The following FANCA variants were observed in gnomAD, a reference collection of about 807,000 sequenced individuals.
FANCA encodes the protein Fanconi anemia group A protein.
In FANCA, 236 loss-of-function variants were observed where a neutral mutation model predicts 194.3. That is an observed-to-expected ratio of 1.21 (90% confidence interval 1.09 to 1.35). FANCA has a LOEUF of 1.35. Among genes scored for constraint, FANCA ranks in the 40% most tolerant of loss-of-function variants. FANCA has a pLI of 0.00. For missense variants in FANCA, 2,628 were observed against 1,813.9 expected, an observed-to-expected ratio of 1.45 and a Z score of -8.15; for synonymous variants, 1,014 against 715.8, an observed-to-expected ratio of 1.42 and a Z score of -6.65.
intron 1 of FANCA, 123 bp downstream of exon 1, chr16:89,816,414 C>A: frequency 1.2e-6 from 1 of 862,528 alleles, no homozygotes; most frequent in Non-Finnish European, 1.6e-6. Flanking sequence ...CCCCGCACAG[C>A]CCCCCGGGCG....
At chr16:89,776,517 G>C (rs2039512084) in intron 20 of FANCA, among the ~76,000 whole-genome samples, 1 of 151,394 alleles carries the variant, frequency 6.6e-6, no homozygotes, top group East Asian at 2.0e-4. Flanking sequence ...AAAACGTTTA[G>C]TTCGTGTCAT....
chr16:89,792,701 C>A (rs1161758292), intron 11 of FANCA, 154 bp from the exon 12 acceptor site: 2 of 665,352 alleles, frequency 3.0e-6, no homozygotes, highest in Non-Finnish European at 5.4e-6. Context: ...AGATAAAAGA[C>A]AAGACAGCTG....
chr16:89,778,656 A>T, intron 20 of FANCA, 145 bp downstream of exon 20: 2 of 647,240 alleles, frequency 3.1e-6, no homozygotes, highest in Non-Finnish European at 2.6e-6. Flanking sequence ...AAAAAAAAAA[A>T]AGTAACCAAC....
At position 89,745,343 on chromosome 16, in the gene FANCA, C is replaced by G. The variant is rs62054601; in HGVS notation, c.3514-272G>C. Among the ~76,000 whole-genome samples the G allele has an allele frequency of 0.05, 7,404 of 148,974 alleles. 410 individuals carry two copies. Among genetic ancestry groups the G allele is most frequent in the East Asian group, 0.18 (805 of 4,540 alleles). ...AGTGAAGGGACCACACTCCCCTGAG[C>G]TGGGAACGAAACAGTGAAGGGACCA... is the stretch of plus-strand genomic sequence containing the variant. On this transcript the variant is annotated intron_variant, in intron 35 of 42. Coordinates refer to ENST00000389301, the MANE Select transcript of FANCA (RefSeq NM_000135.4).
chr16:89,753,990 G>A (rs983667076), intron 30 of FANCA, among the ~76,000 whole-genome samples: 1 of 152,214 alleles, frequency 6.6e-6, no homozygotes, highest in African/African-American at 2.4e-5. Flanking sequence ...GAAGGCGGAG[G>A]TTGCAGACAG....
At chr16:89,777,693 A>C (rs17226393) in intron 20 of FANCA, among the ~76,000 whole-genome samples, 210 of 152,248 alleles carry the variant, frequency 1.4e-3, no homozygotes, top group African/African-American at 4.9e-3. Context: ...ATACCAACCA[A>C]CTTTCTTACT....
chr16:89,738,406 C>A lies in FANCA; in HGVS notation c.*195G>T. On this transcript the variant is annotated 3_prime_UTR_variant, in exon 43 of 43. Coordinates refer to ENST00000389301, the MANE Select transcript of FANCA (RefSeq NM_000135.4). ...CCGGCTCAAGTAGCCTTCCTCTGCT[C>A]TGGGACCAGTGGTTTATTTTCCCGC... 1.5e-6 allele frequency: 2 copies of A among 1,378,098 alleles called. No individual in the cohort carries two copies. 85.4% of individuals were successfully genotyped at this position (1,378,098 alleles called of 1,614,324 possible). A position where few individuals can be genotyped will look rare whatever the true frequency, so the allele number is the denominator to read the frequency against.
At position 89,775,795 on chromosome 16, in the gene FANCA, G is replaced by C. The variant is rs533599861; in HGVS notation, c.1847C>G (p.Ser616Cys). 4.3e-6 allele frequency: 7 copies of C among 1,612,480 alleles called. No individual in the cohort carries two copies. The highest frequency in any genetic ancestry group is 3.3e-5 in the Admixed American group (2 of 59,868). ...GGCCTGGCAGTAGGTGGAGTACAGA[G>C]ATGGGGGGATTTTATCTGCTCTGGA... ...SLKRADKIPP[S>C]LYSTYCQACS... Residue 616 changes from serine to cysteine, a missense_variant, in exon 21 of 43, where the codon TCT (serine) becomes TGT (cysteine). Ser to Cys is a moderately radical substitution (Grantham distance 112). Transcript: ENST00000389301.
At chr16:89,791,344 C>T (rs1176217534) in intron 14 of FANCA, 59 bp downstream of exon 14, 1 of 1,596,240 alleles carries the variant, frequency 6.3e-7, no homozygotes, top group Non-Finnish European at 8.5e-7. Context: ...AGCATGGTCC[C>T]CACTCCCAGG....
At position 89,781,363 on chromosome 16, in the gene FANCA, C is replaced by CAAAA. The variant is rs775937692; in HGVS notation, c.1627-1410_1627-1407dup. On this transcript the variant is annotated intron_variant, in intron 17 of 42. Coordinates refer to ENST00000389301, the MANE Select transcript of FANCA (RefSeq NM_000135.4). ...TGGGCAATAGAACGAGACTCCATTCCAAAAAAAAAAAAAAAAAAAAAAACA... is the reference window on the plus strand; with the variant it reads ...TGGGCAATAGAACGAGACTCCATTCCAAAAAAAAAAAAAAAAAAAAAAAAAAACA... Among the ~76,000 whole-genome samples, 443 of 60,312 alleles carry CAAAA rather than the reference C, an allele frequency of 7.3e-3. 5 individuals are homozygous for CAAAA. The highest frequency in any genetic ancestry group is 0.023 in the African/African-American group (334 of 14,516). 39.6% of individuals were successfully genotyped at this position (60,312 alleles called of 152,430 possible). A position where few individuals can be genotyped will look rare whatever the true frequency, so the allele number is the denominator to read the frequency against.
chr16:89,806,958 G>A (rs928775974), intron 6 of FANCA, among the ~76,000 whole-genome samples: 6 of 152,212 alleles, frequency 3.9e-5, no homozygotes, highest in African/African-American at 1.4e-4. Context: ...TCCTGGACAG[G>A]GCGGCTGGCC....
intron 8 of FANCA, 22 bp downstream of exon 8, chr16:89,803,237 T>C (rs1398874168): frequency 4.3e-6 from 7 of 1,611,122 alleles, no homozygotes; most frequent in African/African-American, 1.3e-5. Context: ...CGCTAAACTC[T>C]TCACTTGACT....
At chr16:89,801,216 C>T (rs1270858662) in intron 8 of FANCA, among the ~76,000 whole-genome samples, 3 of 147,120 alleles carry the variant, frequency 2.0e-5, no homozygotes, top group African/African-American at 5.1e-5. Flanking sequence ...TGGTGGTGGG[C>T]GCCTGTAGTC....
chr16:89,758,015 T>A (rs2038821854), intron 30 of FANCA, among the ~76,000 whole-genome samples: 1 of 151,824 alleles, frequency 6.6e-6, no homozygotes, highest in African/African-American at 2.4e-5. Context: ...GCCACCACAC[T>A]CAGCTAATTT....
At chr16:89,776,566 G>T (rs1455696869) in intron 20 of FANCA, among the ~76,000 whole-genome samples, 3 of 151,876 alleles carry the variant, frequency 2.0e-5, no homozygotes, top group South Asian at 4.2e-4. Flanking sequence ...GGTGGATCCC[G>T]CCTGTAATCC....
intron 29 of FANCA, among the ~76,000 whole-genome samples, chr16:89,760,162 A>G (rs1190691620): frequency 1.3e-5 from 2 of 152,252 alleles, no homozygotes; most frequent in Admixed American, 1.3e-4. Context: ...GCATGACCTC[A>G]TGCAGCAGAC....
chr16:89,815,203 ATT>A (rs1337205162), intron 2 of FANCA, among the ~76,000 whole-genome samples: 1 of 151,740 alleles, frequency 6.6e-6, no homozygotes, highest in African/African-American at 2.4e-5. Flanking sequence ...TACCCGGCTA[ATT>A]TTTGTATTTT....
chr16:89,781,283 G>A (rs1386883702), intron 17 of FANCA, among the ~76,000 whole-genome samples: 3 of 141,796 alleles, frequency 2.1e-5, no homozygotes, highest in Non-Finnish European at 4.5e-5. Context: ...AGAATGGCAT[G>A]AACCCGGAAG....
chr16:89,810,422 C>A (rs2040831579), intron 5 of FANCA: 2 of 383,680 alleles, frequency 5.2e-6, no homozygotes, highest in Non-Finnish European at 4.8e-6. Context: ...CTATACTACC[C>A]TGGAAAATTC....
Sources: allele counts gnomAD v4.1 joint callset (sites outside exome capture counted in the v4.1 genomes callset), GRCh38; gene constraint gnomAD v4.1.1; transcripts MANE v1.5; gene names NCBI Gene and HGNC (gene_info 2026-07-23, HGNC 2026-07-21).